The following PUDP variants were observed in gnomAD, a reference collection of about 807,000 sequenced individuals.
PUDP encodes the protein pseudouridine-5'-phosphatase.
In PUDP, 8 loss-of-function variants were observed where a neutral mutation model predicts 9.4. The ratio of observed to expected loss-of-function variants is 0.85; its 90% CI spans 0.50 to 1.53. PUDP has a LOEUF of 1.53. PUDP is among the 40% of genes most tolerant of loss of function. The pLI, the probability that PUDP is intolerant of heterozygous loss-of-function variation, is 0.00. For missense variants in PUDP, 188 were observed against 189.7 expected (o/e 0.99, Z 0.05); for synonymous variants, 99 against 80.7 (o/e 1.23, Z -1.22).
chrX:6,924,740 T>C (rs182998095), intron 3 of PUDP, among the ~76,000 whole-genome samples: 2 of 112,357 alleles, frequency 1.8e-5, no homozygotes, highest in East Asian at 5.6e-4. Context: ...AAATTTTGGA[T>C]TTGAGGATTA....
chrX:6,823,335 A>G (rs1255129213), intron 3 of PUDP, among the ~76,000 whole-genome samples: 2 of 112,303 alleles, frequency 1.8e-5, no homozygotes, highest in African/African-American at 6.5e-5. Flanking sequence ...GGATATTTGC[A>G]TCTACAGAGA....
At chrX:7,086,256 G>A (rs949283319) in intron 2 of PUDP, among the ~76,000 whole-genome samples, 113 of 112,147 alleles carry the variant, frequency 1.0e-3, no homozygotes, top group African/African-American at 3.5e-3. Flanking sequence ...CTGTCTGGCT[G>A]TGTTTATCCT....
intron 3 of PUDP, among the ~76,000 whole-genome samples, chrX:6,882,503 C>T (rs573104053): frequency 1.8e-5 from 2 of 111,500 alleles, no homozygotes; most frequent in African/African-American, 6.5e-5. Flanking sequence ...TGTTATGCAA[C>T]CATTTTCGGG....
intron 3 of PUDP, among the ~76,000 whole-genome samples, chrX:6,742,290 CA>C: frequency 1.8e-5 from 2 of 112,728 alleles, no homozygotes; most frequent in Non-Finnish European, 3.7e-5. Flanking sequence ...GTCCCCAAAT[CA>C]CTGCCCACAG....
intron 3 of PUDP, among the ~76,000 whole-genome samples, chrX:6,826,886 C>A (rs1328181081): frequency 8.9e-6 from 1 of 111,768 alleles, no homozygotes; most frequent in Non-Finnish European, 1.9e-5. Flanking sequence ...AGGGTGAAGT[C>A]CCCTTAACTG....
chrX:6,901,105 G>T (rs774025018), intron 3 of PUDP, among the ~76,000 whole-genome samples: 16 of 111,614 alleles, frequency 1.4e-4, no homozygotes, highest in Non-Finnish European at 2.3e-4. Context: ...GCTCCATGGG[G>T]ACTAATACAG....
chrX:6,848,183 C>A (rs983354255), intron 3 of PUDP, among the ~76,000 whole-genome samples: 4 of 111,885 alleles, frequency 3.6e-5, no homozygotes, highest in African/African-American at 1.3e-4. Flanking sequence ...TATAAACATG[C>A]ACCACAGGAA....
chrX:6,836,904 G>T (rs945106200), intron 3 of PUDP, among the ~76,000 whole-genome samples: 3 of 112,109 alleles, frequency 2.7e-5, no homozygotes, highest in African/African-American at 9.7e-5. Flanking sequence ...AGACATGAAA[G>T]CCCAAATTCC....
chrX:7,121,344 G>A lies in PUDP; in HGVS notation c.62-15506C>T, dbSNP rs754426257. On this transcript the variant is annotated intron_variant, in intron 1 of 3. Transcript: ENST00000381077. The stretch of plus-strand genomic sequence containing the variant: ...CTTTATTGATGGAATCCCTGAAGGG[G>A]ACCCTCTGTTGAGCCTTCTTAGGGA... Among the ~76,000 whole-genome samples, 9 of 111,361 alleles carry A rather than the reference G, an allele frequency of 8.1e-5. No homozygotes were observed. The South Asian group carries it at 3.4e-3, about 42-fold the overall frequency.
At chrX:6,925,831 A>G (rs1236565105) in intron 3 of PUDP, among the ~76,000 whole-genome samples, 1 of 111,680 alleles carries the variant, frequency 9.0e-6, no homozygotes, top group Non-Finnish European at 1.9e-5. Flanking sequence ...ACCTGGAGTG[A>G]GCAGAAAGGG....
chrX:7,006,623 G>C (rs183403756), intron 1 of PUDP, among the ~76,000 whole-genome samples: 37 of 110,885 alleles, frequency 3.3e-4, no homozygotes, highest in Non-Finnish European at 6.4e-4. Flanking sequence ...TTGATTTCAC[G>C]AGAAGTTGTA....
chrX:6,720,788 T>C (rs373826544), intron 1 of PUDP, among the ~76,000 whole-genome samples: 2 of 111,115 alleles, frequency 1.8e-5, no homozygotes, highest in African/African-American at 6.5e-5. Context: ...AGTAAGTATA[T>C]TCCATTTTTA....
chrX:6,845,679 CT>C (rs1926735312), intron 3 of PUDP, among the ~76,000 whole-genome samples: 1 of 112,319 alleles, frequency 8.9e-6, no homozygotes, highest in Non-Finnish European at 1.9e-5. Context: ...CCTCTCTTTT[CT>C]TTACACTCAC....
chrX:7,106,946 C>G (rs370893221), intron 1 of PUDP, among the ~76,000 whole-genome samples: 2 of 111,881 alleles, frequency 1.8e-5, no homozygotes, highest in Admixed American at 9.4e-5. Context: ...GACAATCCCC[C>G]CAAGGCCCCA....
In PUDP at chrX:6,827,615, T is replaced by C. The variant is rs146147645; in HGVS notation, c.*248-121149A>G. Among the ~76,000 whole-genome samples, 904 of 111,834 alleles carry C rather than the reference T, an allele frequency of 8.1e-3. 10 individuals are homozygous for C. Among genetic ancestry groups the C allele is most frequent in the African/African-American group, 0.028 (854 of 30,766 alleles). ...GCACAGCAAAAATTCTACCTCTTTCTCAACTAGAGCAAATCCACATTTGTG... is the reference window on the plus strand; with the variant it reads ...GCACAGCAAAAATTCTACCTCTTTCCCAACTAGAGCAAATCCACATTTGTG... On this transcript the variant is annotated intron_variant and NMD_transcript_variant, in intron 3 of 3. Transcript: ENST00000655425.
intron 3 of PUDP, among the ~76,000 whole-genome samples, chrX:7,076,525 G>C (rs1930907513): frequency 8.9e-6 from 1 of 111,901 alleles, no homozygotes; most frequent in South Asian, 3.8e-4. Flanking sequence ...TCTGGAGCCA[G>C]GCCCAGCCAC....
intron 3 of PUDP, among the ~76,000 whole-genome samples, chrX:6,736,788 G>A (rs1049562882): frequency 3.6e-4 from 40 of 111,362 alleles, no homozygotes; most frequent in Non-Finnish European, 9.4e-5. Context: ...AGTTATAAGT[G>A]GAGCTAAACA....
chrX:7,028,786 C>T (rs1013736046), intron 1 of PUDP, among the ~76,000 whole-genome samples: 2 of 111,599 alleles, frequency 1.8e-5, no homozygotes, highest in Admixed American at 9.5e-5. Flanking sequence ...CAAAGCGCCA[C>T]GGACCGGGCC....
chrX:7,028,067 C>T (rs776530673), intron 1 of PUDP, among the ~76,000 whole-genome samples: 2 of 105,384 alleles, frequency 1.9e-5, no homozygotes, highest in South Asian at 8.4e-4. Flanking sequence ...TCCTAGCAAA[C>T]TCATAGACTT....
Sources: allele counts gnomAD v4.1 joint callset (sites outside exome capture counted in the v4.1 genomes callset), GRCh38; gene constraint gnomAD v4.1.1; transcripts MANE v1.5; gene names NCBI Gene and HGNC (gene_info 2026-07-23, HGNC 2026-07-21).